LDLRAD3: variants seen among roughly 807,000 people sequenced by gnomAD.
LDLRAD3 encodes low-density lipoprotein receptor class A domain-containing protein 3.
In LDLRAD3, 20 loss-of-function variants were observed where a neutral mutation model predicts 29.4. The ratio of observed to expected loss-of-function variants is 0.68; its 90% CI spans 0.48 to 0.99. LDLRAD3 has a LOEUF of 0.99. Ranked by LOEUF, LDLRAD3 falls within the 50% of genes least tolerant of loss-of-function variation. The pLI, the probability that LDLRAD3 is intolerant of heterozygous loss-of-function variation, is 0.00. For missense variants in LDLRAD3, 420 were observed against 454.3 expected, an observed-to-expected ratio of 0.92 and a Z score of 0.69; for synonymous variants, 157 against 192.7, an observed-to-expected ratio of 0.81 and a Z score of 1.53.
chr11:35,961,311 C>T (rs1851275126), intron 1 of LDLRAD3, among the ~76,000 whole-genome samples: 1 of 152,216 alleles, frequency 6.6e-6, no homozygotes, highest in African/African-American at 2.4e-5. Context: ...GGCTCCGCTT[C>T]CACTGGAGGT....
At chr11:36,177,328 T>A (rs966040015) in intron 4 of LDLRAD3, among the ~76,000 whole-genome samples, 31 of 152,206 alleles carry the variant, frequency 2.0e-4, no homozygotes, top group Admixed American at 1.6e-3. Flanking sequence ...GTTTAGTGAT[T>A]TCTTCTTGAT....
Position 36,105,430 on chromosome 11 carries a change from C to T in LDLRAD3, c.454+6969C>T, listed in dbSNP as rs188619569. On this transcript the variant is annotated intron_variant, in intron 4 of 5. Transcript: ENST00000315571. The stretch of plus-strand genomic sequence containing the variant: ...TGGCCCCTTGTTGAATTGTCCTCCT[C>T]CCCCGCTGAAATTCTTGTGTTAATG... Among the ~76,000 whole-genome samples, 94 of 152,156 alleles carry T rather than the reference C, an allele frequency of 6.2e-4. 1 individual carries two copies. The East Asian group carries it at 0.013, about 21-fold the overall frequency.
intron 4 of LDLRAD3, among the ~76,000 whole-genome samples, chr11:36,179,777 G>A (rs2133356017): frequency 6.6e-6 from 1 of 152,162 alleles, no homozygotes; most frequent in South Asian, 2.1e-4. Context: ...AGGATGGCTT[G>A]AACCCAGGAG....
chr11:36,076,106 G>T (rs1852994536), intron 2 of LDLRAD3, among the ~76,000 whole-genome samples: 1 of 152,174 alleles, frequency 6.6e-6, no homozygotes, highest in Admixed American at 6.5e-5. Context: ...GCTTATTGCT[G>T]TTGAGATGTA....
chr11:35,949,735 A>G (rs902908323), intron 1 of LDLRAD3, among the ~76,000 whole-genome samples: 2 of 152,168 alleles, frequency 1.3e-5, no homozygotes, highest in Non-Finnish European at 2.9e-5. Flanking sequence ...TTCCTTAAGA[A>G]TTGTGCTTCC....
At chr11:36,145,093 T>C (rs1194442417) in intron 4 of LDLRAD3, among the ~76,000 whole-genome samples, 1 of 87,414 alleles carries the variant, frequency 1.1e-5, no homozygotes. Context: ...AGCCGCCCCG[T>C]CCGGGAGGGA....
intron 1 of LDLRAD3, chr11:35,997,379 T>A (rs934451349): frequency 9.7e-5 from 44 of 454,018 alleles, no homozygotes; most frequent in Non-Finnish European, 5.6e-5. Flanking sequence ...ATTTCCATTG[T>A]GTTTAATGTT....
In LDLRAD3 at chr11:36,231,219, ACTTTT is replaced by A. The variant is rs1265725693; in HGVS notation, c.*1827_*1831del. ...GGCATTCAGTGATCCTGTTCTGTAG[ACTTTT>A]CTTTCTTTTTTTAACCAAATCCAAA... is the stretch of plus-strand genomic sequence containing the variant. On this transcript the variant is annotated 3_prime_UTR_variant, in exon 6 of 6. Transcript: ENST00000315571. 6.6e-6 allele frequency: 1 copy of A among 152,204 alleles called. No homozygotes were observed. The highest frequency in any genetic ancestry group is 2.4e-5 in the African/African-American group (1 of 41,396). The allele number at this position is 152,204 out of a possible 1,614,324, so 9.4% of individuals were successfully genotyped here.
intron 2 of LDLRAD3, among the ~76,000 whole-genome samples, chr11:36,061,545 G>A (rs1284651083): frequency 2.0e-5 from 3 of 152,160 alleles, no homozygotes; most frequent in African/African-American, 4.8e-5. Flanking sequence ...GTCTTATTGA[G>A]CTGCTAATTG....
chr11:36,155,286 C>T (rs542422092), intron 4 of LDLRAD3, among the ~76,000 whole-genome samples: 8 of 152,228 alleles, frequency 5.3e-5, no homozygotes, highest in Non-Finnish European at 1.0e-4. Context: ...TTCTGCCCCT[C>T]TGCTCTGTGG....
chr11:36,136,506 T>C (rs904270729), intron 4 of LDLRAD3, among the ~76,000 whole-genome samples: 1 of 152,046 alleles, frequency 6.6e-6, no homozygotes. Context: ...TCTTGAGATA[T>C]GGTTGTTTAA....
intron 3 of LDLRAD3, among the ~76,000 whole-genome samples, chr11:36,082,228 G>C (rs768716457): frequency 5.9e-5 from 9 of 152,128 alleles, no homozygotes; most frequent in Non-Finnish European, 1.0e-4. Flanking sequence ...AAAAAAGTTG[G>C]CCAGGTGTGG....
intron 4 of LDLRAD3, among the ~76,000 whole-genome samples, chr11:36,198,279 T>G (rs79983481): frequency 7.2e-4 from 2 of 2,794 alleles, no homozygotes; most frequent in East Asian, 0.2. Context: ...TAATACCCCC[T>G]TTCACATTGC....
At position 36,231,741 on chromosome 11, in the gene LDLRAD3, T is replaced by G. The variant is rs968798541; in HGVS notation, c.*2344T>G. On this transcript the variant is annotated 3_prime_UTR_variant, in exon 6 of 6. Coordinates refer to ENST00000315571, the MANE Select transcript of LDLRAD3 (RefSeq NM_174902.4). ...AAATAGGACACCAAAGCGGCAGGGT[T>G]TTTTTGGGGGGGAGGGGGTTTGTTT... 1 of 152,014 alleles carries G rather than the reference T, an allele frequency of 6.6e-6. No homozygotes were observed. Among genetic ancestry groups the G allele is most frequent in the Non-Finnish European group, 1.5e-5 (1 of 68,014 alleles). 9.4% of individuals were successfully genotyped at this position (152,014 alleles called of 1,614,324 possible).
chr11:36,218,179 G>T (rs1855378156), intron 4 of LDLRAD3, among the ~76,000 whole-genome samples: 1 of 152,142 alleles, frequency 6.6e-6, no homozygotes. Flanking sequence ...AAATATGCAT[G>T]GTGGTGATGG....
At chr11:36,041,247 C>G (rs73450443) in intron 2 of LDLRAD3, among the ~76,000 whole-genome samples, 15,783 of 152,266 alleles carry the variant, frequency 0.1, 2,477 homozygotes, top group African/African-American at 0.34. Flanking sequence ...AGGCATTTTA[C>G]ATTCTATTGA....
intron 4 of LDLRAD3, among the ~76,000 whole-genome samples, chr11:36,133,988 T>C (rs966476148): frequency 1.3e-5 from 2 of 151,940 alleles, no homozygotes; most frequent in Non-Finnish European, 2.9e-5. Context: ...ATATATAACA[T>C]GTATGTATAC....
At chr11:36,002,573 T>G (rs1198583712) in intron 1 of LDLRAD3, among the ~76,000 whole-genome samples, 6 of 152,160 alleles carry the variant, frequency 3.9e-5, no homozygotes, top group Non-Finnish European at 8.8e-5. Context: ...CTGGCTTATC[T>G]TACCAGCCAC....
At chr11:36,111,349 C>G (rs1853602142) in intron 4 of LDLRAD3, among the ~76,000 whole-genome samples, 1 of 151,982 alleles carries the variant, frequency 6.6e-6, no homozygotes, top group South Asian at 2.1e-4. Flanking sequence ...GGATATCCTC[C>G]CCCTCCTGCT....
Sources: gnomAD v4.1 joint callset for allele counts (sites outside exome capture counted in the v4.1 genomes callset) on GRCh38, gnomAD v4.1.1 for gene constraint, MANE v1.5 for transcripts, NCBI Gene and HGNC (gene_info 2026-07-23, HGNC 2026-07-21) for gene names.